SSBP3: variants seen among roughly 807,000 people sequenced by gnomAD.
SSBP3 encodes the protein single stranded DNA binding protein 3.
In SSBP3, 5 loss-of-function variants were observed where a neutral mutation model predicts 69.6. That is an observed-to-expected ratio of 0.07 (90% CI 0.04 to 0.15). The LOEUF (loss-of-function observed/expected upper bound fraction) is 0.15, where lower values mean the gene tolerates loss of function less well. Among genes scored for constraint, SSBP3 ranks in the 10% least tolerant of loss-of-function variants. The probability of loss-of-function intolerance (pLI) is 1.00; values close to 1 mark genes in which losing one functional copy is unlikely to be tolerated. For missense variants in SSBP3, 312 were observed against 534.0 expected (o/e 0.58, Z 4.10); for synonymous variants, 196 against 193.4 (o/e 1.01, Z -0.11).
chr1:54,404,555 A>T (rs775418515), intron 3 of SSBP3, 21 bp downstream of exon 3: 1 of 1,612,684 alleles, frequency 6.2e-7, no homozygotes, highest in South Asian at 1.1e-5. Context: ...ACACACATGC[A>T]AAACTATCAC....
intron 4 of SSBP3, among the ~76,000 whole-genome samples, chr1:54,363,196 G>A (rs1035290045): frequency 3.9e-5 from 6 of 152,134 alleles, no homozygotes; most frequent in African/African-American, 1.4e-4. Flanking sequence ...GAAAATGACA[G>A]ACACTGCTCA....
intron 4 of SSBP3, among the ~76,000 whole-genome samples, chr1:54,292,970 T>C (rs576954918): frequency 6.6e-6 from 1 of 151,970 alleles, no homozygotes; most frequent in Admixed American, 6.6e-5. Context: ...TCTTGGAGGA[T>C]GGTGACTGGA....
At position 54,258,078 on chromosome 1, in the gene SSBP3, G is replaced by A. The variant is rs763665068; in HGVS notation, c.438C>T (p.Pro146=). 1.9e-6 allele frequency: 3 copies of A among 1,592,990 alleles called. No individual in the cohort carries two copies. Among genetic ancestry groups the A allele is most frequent in the Non-Finnish European group, 2.6e-6 (3 of 1,171,412 alleles). Residue 146 remains proline (P), a synonymous_variant, in exon 6 of 18, where the codon CCC becomes CCT. Coordinates refer to ENST00000610401, the Ensembl canonical transcript of SSBP3. The surrounding 1 kb of genome is among the most constrained non-coding windows in gnomAD (Gnocchi z 4.5). ...GCCACGGTGCGTTTACCTGACTGTG[G>A]GGTCCCATCATGCTGCTAGGATTGT...
intron 4 of SSBP3, among the ~76,000 whole-genome samples, chr1:54,319,549 G>A (rs1646175882): frequency 6.6e-6 from 1 of 152,024 alleles, no homozygotes; most frequent in Admixed American, 6.5e-5. Context: ...CCCACTCAGT[G>A]TCACTTTCAG....
At chr1:54,358,809 A>G (rs1422017804) in intron 4 of SSBP3, among the ~76,000 whole-genome samples, 1 of 151,414 alleles carries the variant, frequency 6.6e-6, no homozygotes, top group Non-Finnish European at 1.5e-5. Context: ...GAATAATCAA[A>G]GAAATAACAT....
At chr1:54,315,969 C>A (rs1199745057) in intron 4 of SSBP3, among the ~76,000 whole-genome samples, 1 of 152,220 alleles carries the variant, frequency 6.6e-6, no homozygotes, top group Middle Eastern at 3.4e-3. Context: ...GCCAAGACAA[C>A]CCTCCCGAAA....
chr1:54,254,030 C>T (rs2100726764), intron 7 of SSBP3, among the ~76,000 whole-genome samples: 1 of 152,324 alleles, frequency 6.6e-6, no homozygotes, highest in African/African-American at 2.4e-5. Flanking sequence ...CCTCTTCTAT[C>T]AGGGGAAGAA....
rs976995465 is a variant in SSBP3, at chr1:54,290,364, G to A, written c.277-8837C>T. Among the ~76,000 whole-genome samples the A allele has an allele frequency of 5.9e-5, 9 of 152,328 alleles. No individual in the cohort carries two copies. The South Asian group carries it at 6.2e-4, about 11-fold the overall frequency. ...CAGCCAAGGTACGGGTTCAGCAACC[G>A]GCGGCCCAGAGCCAGAGACACAGCT... On this transcript the variant is annotated intron_variant, in intron 4 of 17. Coordinates refer to ENST00000610401, the Ensembl canonical transcript of SSBP3.
chr1:54,269,277 C>CT (rs1201515347), intron 5 of SSBP3, among the ~76,000 whole-genome samples: 1 of 152,180 alleles, frequency 6.6e-6, no homozygotes. Flanking sequence ...TCAGCAAACT[C>CT]CACCAGAGTC....
chr1:54,239,152 G>A, exon 14 of SSBP3: 1 of 1,614,078 alleles, frequency 6.2e-7, no homozygotes, highest in Non-Finnish European at 8.5e-7. Flanking sequence ...CCTCCAGGCG[G>A]CACTGGATTA....
intron 4 of SSBP3, among the ~76,000 whole-genome samples, chr1:54,321,120 G>A (rs908321878): frequency 2.0e-5 from 3 of 152,212 alleles, no homozygotes; most frequent in Admixed American, 2.0e-4. Flanking sequence ...ATGCTGGAGA[G>A]ACAGAGGATG....
At chr1:54,341,090 T>G (rs1244244538) in intron 4 of SSBP3, among the ~76,000 whole-genome samples, 1 of 152,238 alleles carries the variant, frequency 6.6e-6, no homozygotes, top group Non-Finnish European at 1.5e-5. Flanking sequence ...AATGTCTGCA[T>G]AGTAAGCCGG....
At chr1:54,252,483 G>A (rs1644846633) in intron 7 of SSBP3, among the ~76,000 whole-genome samples, 1 of 152,226 alleles carries the variant, frequency 6.6e-6, no homozygotes. Flanking sequence ...CATCCCATCA[G>A]CTTCTACAAT....
chr1:54,297,459 CCT>C (rs959459433), intron 4 of SSBP3, among the ~76,000 whole-genome samples: 2 of 152,152 alleles, frequency 1.3e-5, no homozygotes, highest in African/African-American at 4.8e-5. Flanking sequence ...GTGAAACCCC[CCT>C]CTCTACTAAA....
At chr1:54,318,012 C>A (rs1292215246) in intron 4 of SSBP3, among the ~76,000 whole-genome samples, 1 of 152,212 alleles carries the variant, frequency 6.6e-6, no homozygotes, top group Non-Finnish European at 1.5e-5. Flanking sequence ...AGGTGATCCA[C>A]CTGCTTTGGC....
intron 5 of SSBP3, among the ~76,000 whole-genome samples, chr1:54,266,982 G>A (rs906326065): frequency 5.9e-5 from 9 of 152,246 alleles, no homozygotes; most frequent in Non-Finnish European, 1.2e-4. Flanking sequence ...CAATGCTGGG[G>A]AAGAAGCCCT....
At chr1:54,285,397 C>G (rs1455227689) in intron 4 of SSBP3, 1 of 152,142 alleles carries the variant, frequency 6.6e-6, no homozygotes, top group Non-Finnish European at 1.5e-5. Flanking sequence ...TGCAGCTCAA[C>G]GGCAGCAGGG....
chr1:54,385,465 A>G (rs1166265257), intron 4 of SSBP3, among the ~76,000 whole-genome samples: 1 of 151,988 alleles, frequency 6.6e-6, no homozygotes, highest in Non-Finnish European at 1.5e-5. Context: ...CTTCCCTTCT[A>G]TCTACCACTG....
At chr1:54,277,464 T>G (rs1418573915) in intron 5 of SSBP3, among the ~76,000 whole-genome samples, 1 of 152,218 alleles carries the variant, frequency 6.6e-6, no homozygotes, top group Non-Finnish European at 1.5e-5. Flanking sequence ...TTGGAGTGTT[T>G]GTGGAAGAGC....
Sources: allele counts gnomAD v4.1 joint callset (sites outside exome capture counted in the v4.1 genomes callset), GRCh38; gene constraint gnomAD v4.1.1; non-coding constraint Gnocchi (gnomAD v3.1); transcripts MANE v1.5; gene names NCBI Gene and HGNC (gene_info 2026-07-23, HGNC 2026-07-21).